Variants in EDA observed in about 807,000 individuals in gnomAD.
EDA encodes ectodysplasin A.
Under a neutral mutation model 23.6 loss-of-function variants are expected in EDA, and 2 were observed. That is an observed-to-expected ratio of 0.08 (90% confidence interval 0.03 to 0.27). EDA has a LOEUF of 0.27. Among genes scored for constraint, EDA ranks in the 10% least tolerant of loss-of-function variants. The pLI is 1.00. For missense variants in EDA, 229 were observed against 324.2 expected (o/e 0.71, Z 2.26); for synonymous variants, 131 against 132.0 (o/e 0.99, Z 0.05).
Position 69,899,218 on chromosome X carries a change from T to C in EDA, c.397-57809T>C, listed in dbSNP as rs1202964. The stretch of plus-strand genomic sequence containing the variant: ...CTTATCATAAGGATTGAACTAGTTC[T>C]GTGAGAGACACAATGAGGTACATCT... On this transcript the variant is annotated intron_variant, in intron 1 of 7. Transcript: ENST00000374552. 7.2e-3 allele frequency among the ~76,000 whole-genome samples: 805 copies of C among 112,038 alleles called. 3 individuals are homozygous for C. The highest frequency in any genetic ancestry group is 0.013 in the Non-Finnish European group (680 of 53,208).
intron 1 of EDA, among the ~76,000 whole-genome samples, chrX:69,873,408 T>A (rs1159678544): frequency 9.0e-6 from 1 of 111,575 alleles, no homozygotes; most frequent in Non-Finnish European, 1.9e-5. Flanking sequence ...AGAGCAGAAC[T>A]AAATGAAATT....
In EDA at chrX:69,616,319, C is replaced by G. The variant is rs1396384936; in HGVS notation, c.11C>G (p.Pro4Arg). 2.6e-5 allele frequency: 31 copies of G among 1,195,048 alleles called. No homozygotes were observed. The highest frequency in any genetic ancestry group is 3.3e-5 in the Non-Finnish European group (29 of 891,434). The change falls in exon 1 of 8, where the codon CCG (proline) becomes CGG (arginine). Residue 4 changes from proline to arginine, a missense_variant. Physicochemically the swap from Pro to Arg is moderately radical, Grantham distance 103. Coordinates refer to ENST00000374552, the MANE Select transcript of EDA (RefSeq NM_001399.5). MGY[P>R]EVERRELLPA... ...GTGTCTCCGGAGGCCATGGGCTACCCGGAGGTGGAGCGCAGGGAACTCCTG... is the reference window on the plus strand; with the variant it reads ...GTGTCTCCGGAGGCCATGGGCTACCGGGAGGTGGAGCGCAGGGAACTCCTG...
At chrX:69,792,337 T>A (rs981048696) in intron 1 of EDA, among the ~76,000 whole-genome samples, 1 of 112,313 alleles carries the variant, frequency 8.9e-6, no homozygotes, top group Non-Finnish European at 1.9e-5. Context: ...CCATGGTGCA[T>A]ATATACCACA....
chrX:69,719,526 A>C (rs1349172430), intron 1 of EDA, among the ~76,000 whole-genome samples: 1 of 110,318 alleles, frequency 9.1e-6, no homozygotes, highest in Non-Finnish European at 1.9e-5. Flanking sequence ...CTGAGTCTCC[A>C]ATGTTCATTA....
chrX:69,870,459 G>A (rs1602498340), intron 1 of EDA, among the ~76,000 whole-genome samples: 2 of 110,779 alleles, frequency 1.8e-5, no homozygotes. Flanking sequence ...AGATGTTGGG[G>A]GTGGTTTCTG....
At chrX:69,779,748 C>T (rs1475222397) in intron 1 of EDA, among the ~76,000 whole-genome samples, 3 of 111,541 alleles carry the variant, frequency 2.7e-5, no homozygotes, top group East Asian at 2.8e-4. Flanking sequence ...AAACCAAAAA[C>T]AAACAAACAA....
At chrX:70,000,579 G>A (rs955096383) in intron 2 of EDA, among the ~76,000 whole-genome samples, 3 of 112,421 alleles carry the variant, frequency 2.7e-5, no homozygotes, top group African/African-American at 6.5e-5. Flanking sequence ...AAGAGGTTCA[G>A]TTAATTGAGA....
At chrX:69,760,867 C>A (rs1277959654) in intron 1 of EDA, among the ~76,000 whole-genome samples, 1 of 111,483 alleles carries the variant, frequency 9.0e-6, no homozygotes, top group Non-Finnish European at 1.9e-5. Flanking sequence ...AGCAGCACAG[C>A]TTTTCTTGAG....
chrX:69,801,874 C>T (rs1283751867), intron 1 of EDA, among the ~76,000 whole-genome samples: 4 of 111,467 alleles, frequency 3.6e-5, no homozygotes, highest in Non-Finnish European at 5.7e-5. Flanking sequence ...GAATGTAGAA[C>T]GAGAGACATT....
At chrX:69,804,959 G>A (rs942448204) in intron 1 of EDA, among the ~76,000 whole-genome samples, 3 of 111,184 alleles carry the variant, frequency 2.7e-5, no homozygotes, top group African/African-American at 9.8e-5. Flanking sequence ...AATAGATGAG[G>A]AAACTGAGGA....
At chrX:69,969,138 C>A (rs764564374) in intron 2 of EDA, among the ~76,000 whole-genome samples, 2 of 112,215 alleles carry the variant, frequency 1.8e-5, no homozygotes, top group South Asian at 7.4e-4. Context: ...GATCTATTCT[C>A]CCTATAGCAC....
intron 1 of EDA, among the ~76,000 whole-genome samples, chrX:69,725,550 G>A (rs935425848): frequency 8.9e-6 from 1 of 111,817 alleles, no homozygotes; most frequent in African/African-American, 3.2e-5. Context: ...TGTATTTTTT[G>A]CCATTTGTTT....
At chrX:69,854,385 G>T (rs1347432620) in intron 1 of EDA, among the ~76,000 whole-genome samples, 1 of 110,812 alleles carries the variant, frequency 9.0e-6, no homozygotes, top group African/African-American at 3.3e-5. Context: ...GTAGAGACAG[G>T]GTTTCACCAT....
intron 1 of EDA, among the ~76,000 whole-genome samples, chrX:69,903,847 G>A (rs889646005): frequency 9.0e-6 from 1 of 110,843 alleles, no homozygotes; most frequent in African/African-American, 3.3e-5. Context: ...GAGACGGACT[G>A]TTGCCCAGGC....
intron 1 of EDA, among the ~76,000 whole-genome samples, chrX:69,799,593 G>T (rs2015627070): frequency 1.8e-5 from 2 of 108,660 alleles, no homozygotes; most frequent in Admixed American, 2.0e-4. Context: ...TGTCCAACAG[G>T]TGTATGAAAA....
intron 1 of EDA, among the ~76,000 whole-genome samples, chrX:69,776,971 A>T (rs779486267): frequency 1.8e-5 from 2 of 111,756 alleles, no homozygotes; most frequent in Non-Finnish European, 3.8e-5. Context: ...TTTTAAAACT[A>T]TTTAAGATCT....
chrX:70,002,428 C>T (rs745748272), intron 2 of EDA, among the ~76,000 whole-genome samples: 4 of 111,161 alleles, frequency 3.6e-5, no homozygotes, highest in Non-Finnish European at 5.7e-5. Flanking sequence ...CAAAAAATCT[C>T]TAACTGACGT....
At chrX:69,797,534 AAAG>A (rs1464225258) in intron 1 of EDA, among the ~76,000 whole-genome samples, 7 of 111,462 alleles carry the variant, frequency 6.3e-5, no homozygotes, top group Non-Finnish European at 1.3e-4. Flanking sequence ...GAGACAGACA[AAAG>A]ATGAGAGACT....
At chrX:69,911,185 A>G (rs1160544303) in intron 1 of EDA, among the ~76,000 whole-genome samples, 2 of 112,104 alleles carry the variant, frequency 1.8e-5, no homozygotes, top group Non-Finnish European at 3.8e-5. Context: ...ATCTATGTTC[A>G]GAACTTTTAT....
Sources: allele counts gnomAD v4.1 joint callset (sites outside exome capture counted in the v4.1 genomes callset), GRCh38; gene constraint gnomAD v4.1.1; transcripts MANE v1.5; gene names NCBI Gene and HGNC (gene_info 2026-07-23, HGNC 2026-07-21).